The following ARHGAP23 variants were observed in gnomAD, a reference collection of about 807,000 sequenced individuals.
ARHGAP23 encodes Rho GTPase activating protein 23, also known as rho GTPase-activating protein 23.
In ARHGAP23, 34 loss-of-function variants were observed where a neutral mutation model predicts 136.3. The observed-to-expected ratio is 0.25, with a 90% confidence interval of 0.19 to 0.33. The LOEUF (loss-of-function observed/expected upper bound fraction) is 0.33, where lower values mean the gene tolerates loss of function less well. ARHGAP23 is among the 10% of genes least tolerant of loss of function. ARHGAP23 has a pLI of 1.00. For synonymous variants in ARHGAP23, 832 were observed against 920.5 expected (o/e 0.90, Z 1.74); for missense variants, 1,808 against 2,139.0 (o/e 0.85, Z 3.05).
rs1567812369 is a variant in ARHGAP23 at position 38,479,864 on chromosome 17, C to T, written c.2610C>T (p.Asp870=). The part of the protein sequence containing the change: ...QSAARGLRTQ[D]LPAGSKDDSA... ...CGGCACGTGGCCTCAGGACTCAGGA[C>T]CTGCCCGCAGGGAGCAAGGGTAGGA... The change falls in exon 14 of 24, where the codon GAC becomes GAT. Residue 870 remains aspartate (D), a synonymous_variant. Transcript: ENST00000622683. The T allele has an allele frequency of 6.5e-7, 1 of 1,546,842 alleles. No homozygotes were observed. Among genetic ancestry groups the T allele is most frequent in the Non-Finnish European group, 8.7e-7 (1 of 1,146,060 alleles).
At chr17:38,509,900 C>T in intron 23 of ARHGAP23, 44 bp from the exon 24 acceptor site, 1 of 1,233,438 alleles carries the variant, frequency 8.1e-7, no homozygotes, top group Non-Finnish European at 1.0e-6. Flanking sequence ...CGGCAGGGGG[C>T]CGAGTCCGGG....
rs550602837 is a variant in ARHGAP23, at chr17:38,473,220, C to T, written c.2118+1214C>T. ...GTGTCTGCCTCGGCCTCCCAAAGTGCTGGGATTACAGGCGTGAGCCACCGT... is the reference window on the plus strand; with the variant it reads ...GTGTCTGCCTCGGCCTCCCAAAGTGTTGGGATTACAGGCGTGAGCCACCGT... On this transcript the variant is annotated intron_variant, in intron 11 of 23. Coordinates refer to ENST00000622683, the MANE Select transcript of ARHGAP23 (RefSeq NM_001199417.2). 3.0e-3 allele frequency among the ~76,000 whole-genome samples: 457 copies of T among 151,628 alleles called. 3 individuals carry two copies. Among genetic ancestry groups the T allele is most frequent in the Non-Finnish European group, 5.1e-3 (346 of 67,968 alleles).
At chr17:38,509,189 C>G (rs2040700482) in intron 23 of ARHGAP23, among the ~76,000 whole-genome samples, 1 of 152,218 alleles carries the variant, frequency 6.6e-6, no homozygotes, top group Non-Finnish European at 1.5e-5. Context: ...CAAAACACCA[C>G]AGGGTGTAGC....
At chr17:38,451,806 C>G (rs901439611) in intron 1 of ARHGAP23, 3 of 152,578 alleles carry the variant, frequency 2.0e-5, no homozygotes, top group African/African-American at 7.2e-5. Flanking sequence ...AGGAGTGGTC[C>G]CAACACCGAA....
intron 7 of ARHGAP23, 130 bp from the exon 8 acceptor site, chr17:38,469,014 T>A: frequency 1.0e-6 from 1 of 959,562 alleles, no homozygotes; most frequent in Non-Finnish European, 1.5e-6. Context: ...AGTGGGCATG[T>A]TGCCAGCAGG....
chr17:38,463,318 G>T lies in ARHGAP23; in HGVS notation c.429-10G>T. 6.4e-7 allele frequency: 1 copy of T among 1,551,686 alleles called. No individual in the cohort carries two copies. Among genetic ancestry groups the T allele is most frequent in the South Asian group, 1.2e-5 (1 of 84,062 alleles). On this transcript the variant is annotated splice_polypyrimidine_tract_variant and intron_variant, in intron 5 of 23. Coordinates refer to ENST00000622683, the MANE Select transcript of ARHGAP23 (RefSeq NM_001199417.2). The stretch of plus-strand genomic sequence containing the variant: ...CTTGACCCAGCCTGACGTTCTGCCT[G>T]TCTCTGTAGTGATGACACTCTGGAG...
At chr17:38,438,122 A>G (rs369534704) in intron 1 of ARHGAP23, among the ~76,000 whole-genome samples, 164 of 152,270 alleles carry the variant, frequency 1.1e-3, no homozygotes, top group Non-Finnish European at 1.7e-3. Flanking sequence ...AGAGATCGAG[A>G]CCGTCCTGGC....
intron 11 of ARHGAP23, among the ~76,000 whole-genome samples, chr17:38,472,534 A>G (rs1214367378): frequency 6.6e-6 from 1 of 151,824 alleles, no homozygotes; most frequent in Admixed American, 6.5e-5. Flanking sequence ...ATTAGGAGCC[A>G]CCGTGGAGAT....
intron 1 of ARHGAP23, among the ~76,000 whole-genome samples, chr17:38,432,951 C>T (rs759911978): frequency 6.6e-5 from 10 of 152,146 alleles, no homozygotes; most frequent in South Asian, 2.1e-4. Context: ...GTTTTAGCCT[C>T]GGCTTTCTTT....
At chr17:38,454,810 C>T (rs528346512) in intron 1 of ARHGAP23, among the ~76,000 whole-genome samples, 1 of 152,174 alleles carries the variant, frequency 6.6e-6, no homozygotes, top group Non-Finnish European at 1.5e-5. Context: ...CTCCTGGGTT[C>T]TAGTTTCTGG....
At chr17:38,454,543 C>T (rs1449963479) in intron 1 of ARHGAP23, among the ~76,000 whole-genome samples, 2 of 152,124 alleles carry the variant, frequency 1.3e-5, no homozygotes, top group African/African-American at 4.8e-5. Flanking sequence ...GGCCCACGAC[C>T]CACCCCACCC....
At chr17:38,465,131 C>T (rs959363934) in intron 6 of ARHGAP23, among the ~76,000 whole-genome samples, 4 of 151,840 alleles carry the variant, frequency 2.6e-5, no homozygotes, top group South Asian at 4.2e-4. Flanking sequence ...ATGCTGCCGC[C>T]GCCGTGATGA....
upstream of ARHGAP23, chr17:38,428,375 CGGGG>C (rs769359302): frequency 7.7e-5 from 25 of 322,994 alleles, no homozygotes; most frequent in African/African-American, 6.1e-4. Flanking sequence ...GGGCGGACCC[CGGGG>C]GGGGCCCCCC....
At chr17:38,469,795 G>A (rs2039702299) in intron 9 of ARHGAP23, 52 bp from the exon 10 acceptor site, 11 of 1,546,010 alleles carry the variant, frequency 7.1e-6, no homozygotes, top group Non-Finnish European at 8.8e-6. Flanking sequence ...ACGAGATAGT[G>A]AGGTCCCAGC....
intron 1 of ARHGAP23, among the ~76,000 whole-genome samples, chr17:38,421,281 C>T (rs949565886): frequency 6.6e-6 from 1 of 152,250 alleles, no homozygotes; most frequent in Non-Finnish European, 1.5e-5. Context: ...GTGGTGGCTT[C>T]TTGGTCCTTT....
intron 23 of ARHGAP23, chr17:38,501,054 A>G (rs1268710891): frequency 7.9e-5 from 13 of 163,528 alleles, no homozygotes; most frequent in East Asian, 1.7e-4. Context: ...AATAAAACAG[A>G]TATCCTTTAA....
intron 1 of ARHGAP23, among the ~76,000 whole-genome samples, chr17:38,450,189 T>G (rs2144565842): frequency 6.6e-6 from 1 of 152,276 alleles, no homozygotes; most frequent in East Asian, 1.9e-4. Flanking sequence ...AACTTGGGGA[T>G]CCCTAAAGGT....
intron 17 of ARHGAP23, among the ~76,000 whole-genome samples, chr17:38,488,265 CT>C (rs1363190196): frequency 6.6e-6 from 1 of 152,146 alleles, no homozygotes; most frequent in African/African-American, 2.4e-5. Flanking sequence ...GAAATGGTAT[CT>C]CATTATTGTT....
chr17:38,446,674 C>T (rs1031831227), intron 1 of ARHGAP23, among the ~76,000 whole-genome samples: 44 of 150,198 alleles, frequency 2.9e-4, no homozygotes, highest in Non-Finnish European at 5.0e-4. Context: ...TGCAACGGCG[C>T]GCTCTTGGCT....
Sources: gnomAD v4.1 joint callset for allele counts (sites outside exome capture counted in the v4.1 genomes callset) on GRCh38, gnomAD v4.1.1 for gene constraint, MANE v1.5 for transcripts, NCBI Gene and HGNC (gene_info 2026-07-23, HGNC 2026-07-21) for gene names.